Variants in CLPX observed in about 807,000 individuals in gnomAD.
CLPX encodes ATP-dependent clpX-like chaperone, mitochondrial.
Under a neutral mutation model 76.4 loss-of-function variants are expected in CLPX, and 34 were observed. The observed-to-expected ratio is 0.45, with a 90% CI of 0.34 to 0.59. The LOEUF (loss-of-function observed/expected upper bound fraction) is 0.59. CLPX is among the 20% of genes least tolerant of loss of function. The pLI is 0.01. For synonymous variants in CLPX, 248 were observed against 270.9 expected (o/e 0.92, Z 0.83); for missense variants, 613 against 757.0 (o/e 0.81, Z 2.23).
At chr15:65,178,613 G>A (rs151310137) in intron 3 of CLPX, among the ~76,000 whole-genome samples, 66 of 151,432 alleles carry the variant, frequency 4.4e-4, no homozygotes, top group African/African-American at 1.5e-3. Context: ...CCCAGGATGG[G>A]GTACAGTGGC....
chr15:65,177,036 T>A (rs960052209), intron 3 of CLPX, among the ~76,000 whole-genome samples: 1 of 152,026 alleles, frequency 6.6e-6, no homozygotes, highest in African/African-American at 2.4e-5. Flanking sequence ...TTATATCACA[T>A]CAAATTTGTT....
chr15:65,150,862 T>C lies in CLPX; in HGVS notation c.1863A>G (p.Glu621=). Residue 621 remains glutamate (E), a synonymous_variant, in exon 14 of 14, where the codon GAA becomes GAG. Coordinates refer to ENST00000300107, the MANE Select transcript of CLPX (RefSeq NM_006660.5). ...CATCTGCTTGGCGGGGCCATCCTTCTTCTTCAACTCCAGAGTCATACTCCT... is the reference window on the plus strand; with the variant it reads ...CATCTGCTTGGCGGGGCCATCCTTCCTCTTCAACTCCAGAGTCATACTCCT... ...SEEEYDSGVE[E]EGWPRQADAA... 1 of 1,613,550 alleles carries C rather than the reference T, an allele frequency of 6.2e-7. No homozygotes were observed. The highest frequency in any genetic ancestry group is 8.5e-7 in the Non-Finnish European group (1 of 1,179,712).
At chr15:65,165,518 G>T (rs2087900311) in intron 4 of CLPX, among the ~76,000 whole-genome samples, 1 of 151,536 alleles carries the variant, frequency 6.6e-6, no homozygotes, top group African/African-American at 2.4e-5. Context: ...CGAGTAGCCA[G>T]GACTAAAGGC....
chr15:65,150,929 A>G lies in CLPX; in HGVS notation c.1812-16T>C, dbSNP rs372748234. ...TGTTGGAGCCCTACAATGAAAAGCCATGTTTGTTTTTTTAAAATAAAAAAT... is the reference window on the plus strand; with the variant it reads ...TGTTGGAGCCCTACAATGAAAAGCCGTGTTTGTTTTTTTAAAATAAAAAAT... On this transcript the variant is annotated splice_polypyrimidine_tract_variant and intron_variant, in intron 13 of 13. Transcript: ENST00000300107. The G allele has an allele frequency of 2.4e-5, 37 of 1,565,310 alleles. No homozygotes were observed. The highest frequency in any genetic ancestry group is 3.1e-5 in the Non-Finnish European group (36 of 1,149,354).
intron 13 of CLPX, among the ~76,000 whole-genome samples, chr15:65,151,927 G>A (rs1037840530): frequency 6.6e-6 from 1 of 151,944 alleles, no homozygotes; most frequent in Non-Finnish European, 1.5e-5. Flanking sequence ...CAGCCCCATT[G>A]CCTTTTTTTA....
intron 3 of CLPX, among the ~76,000 whole-genome samples, chr15:65,170,907 C>T (rs2087995492): frequency 6.7e-6 from 1 of 150,188 alleles, no homozygotes; most frequent in Admixed American, 6.6e-5. Context: ...ACTGCAACCT[C>T]CGCCTCCTGG....
intron 3 of CLPX, among the ~76,000 whole-genome samples, chr15:65,169,024 C>T (rs1291201570): frequency 7.4e-6 from 1 of 135,468 alleles, no homozygotes; most frequent in Non-Finnish European, 1.6e-5. Flanking sequence ...CGCCTGCCTA[C>T]TTTTTTTTTT....
At chr15:65,169,721 C>G (rs1276470098) in intron 3 of CLPX, among the ~76,000 whole-genome samples, 2 of 151,358 alleles carry the variant, frequency 1.3e-5, no homozygotes, top group East Asian at 3.9e-4. Context: ...CATAAAACAA[C>G]ACATGGTTAT....
chr15:65,160,615 TCTCTCTCTCA>T (rs1194712329), intron 6 of CLPX, among the ~76,000 whole-genome samples: 5 of 133,842 alleles, frequency 3.7e-5, no homozygotes, highest in Admixed American at 2.4e-4. Context: ...TCTCTCTCTC[TCTCTCTCTCA>T]CACACACACA....
chr15:65,179,071 A>G lies in CLPX; in HGVS notation c.241-20T>C, dbSNP rs1334842078. The G allele has an allele frequency of 1.0e-5, 15 of 1,470,062 alleles. No homozygotes were observed. The highest frequency in any genetic ancestry group is 1.3e-5 in the Non-Finnish European group (14 of 1,053,516). 91.1% of individuals were successfully genotyped at this position (1,470,062 alleles called of 1,614,324 possible). A position where few individuals can be genotyped will look rare whatever the true frequency, so the allele number is the denominator to read the frequency against. The stretch of plus-strand genomic sequence containing the variant: ...TGATTTCTAACGTTTATGAAGGAGA[A>G]AAAAGGAAGAGTGTCAATTATTAGT... On this transcript the variant is annotated intron_variant, in intron 2 of 13. Transcript: ENST00000300107.
chr15:65,181,793 TAAAG>T (rs1239868917), intron 1 of CLPX, among the ~76,000 whole-genome samples: 5 of 120,802 alleles, frequency 4.1e-5, no homozygotes, highest in African/African-American at 6.2e-5. Context: ...AATAAATAAA[TAAAG>T]ATAGTATCAA....
chr15:65,158,913 T>A (rs1349035771), intron 6 of CLPX, among the ~76,000 whole-genome samples, 162 bp from the exon 7 acceptor site: 1 of 152,242 alleles, frequency 6.6e-6, no homozygotes, highest in Non-Finnish European at 1.5e-5. Context: ...AATTATCTAG[T>A]GACAAACATA....
rs150339193 is a variant in CLPX, at chr15:65,162,234, T to C, written c.715+370A>G. Among the ~76,000 whole-genome samples, 514 of 152,242 alleles carry C rather than the reference T, an allele frequency of 3.4e-3. 7 individuals carry two copies. The highest frequency in any genetic ancestry group is 0.012 in the African/African-American group (484 of 41,542). ...ACAGTGAATTAAGACTTACTCATAA[T>C]TTGTAAGACTGTAAGTTTCATAAAT... On this transcript the variant is annotated intron_variant, in intron 6 of 13. Transcript: ENST00000300107.
chr15:65,162,707 C>A, intron 5 of CLPX, 62 bp from the exon 6 acceptor site: 1 of 882,800 alleles, frequency 1.1e-6, no homozygotes, highest in Admixed American at 2.1e-5. Flanking sequence ...CAATGAGTAT[C>A]CCACCTCCTG....
rs748010872 is a variant in CLPX, at chr15:65,155,755, C to T, written c.1248G>A (p.Leu416=). 1.1e-5 allele frequency: 17 copies of T among 1,614,104 alleles called. 1 individual carries two copies. The South Asian group carries it at 1.8e-4, about 17-fold the overall frequency. The change falls in exon 10 of 14, where the codon CTG becomes CTA. Residue 416 remains leucine (L), a synonymous_variant. Coordinates refer to ENST00000300107, the MANE Select transcript of CLPX (RefSeq NM_006660.5). ...CATTGAAAGCACCAGATGCCACAAA[C>T]AGGATGTTTGTTGTATCAACTTGAA... is the stretch of plus-strand genomic sequence containing the variant. ...ETVQVDTTNI[L]FVASGAFNGL...
chr15:65,182,287 C>A (rs1403138427), intron 1 of CLPX, among the ~76,000 whole-genome samples: 2 of 152,050 alleles, frequency 1.3e-5, no homozygotes, highest in African/African-American at 4.8e-5. Context: ...CCATGAACCC[C>A]TTAAGCAGTC....
At chr15:65,170,476 A>C (rs1438501736) in intron 3 of CLPX, among the ~76,000 whole-genome samples, 1 of 151,948 alleles carries the variant, frequency 6.6e-6, no homozygotes, top group East Asian at 2.0e-4. Context: ...TTAAAAAAAC[A>C]ACTTTAGGCT....
At chr15:65,181,702 T>G (rs1278966657) in intron 1 of CLPX, among the ~76,000 whole-genome samples, 1 of 151,474 alleles carries the variant, frequency 6.6e-6, no homozygotes. Context: ...TGAGCCGAGA[T>G]TGCGCCACTG....
At chr15:65,184,687 G>A (rs1237614303) in intron 1 of CLPX, among the ~76,000 whole-genome samples, 1 of 152,256 alleles carries the variant, frequency 6.6e-6, no homozygotes, top group East Asian at 1.9e-4. Flanking sequence ...TCCCGGCCAG[G>A]CTGCGGAAGA....
Sources: gnomAD v4.1 joint callset for allele counts (sites outside exome capture counted in the v4.1 genomes callset) on GRCh38, gnomAD v4.1.1 for gene constraint, MANE v1.5 for transcripts, NCBI Gene and HGNC (gene_info 2026-07-23, HGNC 2026-07-21) for gene names.